The following AKR1C8 variants were observed in gnomAD, a reference collection of about 807,000 sequenced individuals.
The protein encoded by AKR1C8 is aldo-keto reductase family 1 member C-like protein 1.
At chr10:5,170,658 C>T in the AKR1C8 span, among the ~76,000 whole-genome samples, 1 of 152,046 alleles carries the variant, frequency 6.6e-6, no homozygotes. Context: ...GATCAGAAAC[C>T]CTGTACAGGG....
At chr10:5,128,134 C>T in the AKR1C8 span, among the ~76,000 whole-genome samples, 2 of 152,106 alleles carry the variant, frequency 1.3e-5, no homozygotes, top group African/African-American at 4.8e-5. Context: ...CTTTAGCCTT[C>T]TTAAACAAAA....
At chr10:5,183,584 C>CT in the AKR1C8 span, among the ~76,000 whole-genome samples, 5 of 152,154 alleles carry the variant, frequency 3.3e-5, no homozygotes, top group South Asian at 2.1e-4. Context: ...AGGAAGAACT[C>CT]TAACTACTGT....
At chr10:5,122,096 A>G in the AKR1C8 span, 2 of 354,400 alleles carry the variant, frequency 5.6e-6, no homozygotes, top group Non-Finnish European at 1.1e-5. Flanking sequence ...ATTGTAACTT[A>G]GCATGTCGGA....
At chr10:5,152,772 T>C in the AKR1C8 span, among the ~76,000 whole-genome samples, 1 of 152,320 alleles carries the variant, frequency 6.6e-6, no homozygotes, top group East Asian at 1.9e-4. Flanking sequence ...CTTTTCATAA[T>C]GAGTCTGCCT....
At chr10:5,135,782 A>G in the AKR1C8 span, among the ~76,000 whole-genome samples, 1 of 152,144 alleles carries the variant, frequency 6.6e-6, no homozygotes, top group African/African-American at 2.4e-5. Flanking sequence ...ATGACTAGTA[A>G]GCATTTTTTA....
At chr10:5,176,355 G>C in the AKR1C8 span, among the ~76,000 whole-genome samples, 2 of 141,682 alleles carry the variant, frequency 1.4e-5, no homozygotes, top group East Asian at 3.9e-4. Flanking sequence ...TTTGGTACCA[G>C]TACCATGCTG....
chr10:5,161,716 G>T, the AKR1C8 span: 3 of 534,202 alleles, frequency 5.6e-6, no homozygotes, highest in Non-Finnish European at 1.2e-5. Context: ...ACTCACGAAA[G>T]TTTTGGCAAT....
At chr10:5,154,518 G>C in the AKR1C8 span, 1 of 209,978 alleles carries the variant, frequency 4.8e-6, no homozygotes, top group African/African-American at 2.3e-5. Flanking sequence ...AGTTAAATGT[G>C]CCAGGAGTCA....
At chr10:5,122,478 A>T in the AKR1C8 span, among the ~76,000 whole-genome samples, 1 of 152,330 alleles carries the variant, frequency 6.6e-6, no homozygotes, top group African/African-American at 2.4e-5. Flanking sequence ...GAAAGTGTAG[A>T]CACAATACCT....
chr10:5,136,762 G>C, the AKR1C8 span, among the ~76,000 whole-genome samples: 1 of 152,136 alleles, frequency 6.6e-6, no homozygotes, highest in South Asian at 2.1e-4. Flanking sequence ...TTCCTTTAGA[G>C]GAGGACATAA....
chr10:5,180,658 T>A, the AKR1C8 span, among the ~76,000 whole-genome samples: 1 of 152,264 alleles, frequency 6.6e-6, no homozygotes, highest in Admixed American at 6.5e-5. Context: ...GCTTCCAGGC[T>A]GCTTTGTTTA....
chr10:5,174,883 G>T, the AKR1C8 span, among the ~76,000 whole-genome samples: 4 of 151,632 alleles, frequency 2.6e-5, no homozygotes, highest in African/African-American at 9.7e-5. Context: ...ACAAAACCAC[G>T]GTCTATATAA....
the AKR1C8 span, among the ~76,000 whole-genome samples, chr10:5,146,382 A>G: frequency 6.6e-6 from 1 of 152,136 alleles, no homozygotes; most frequent in African/African-American, 2.4e-5. Flanking sequence ...CAATAAAATA[A>G]TGTTGCTTGG....
chr10:5,122,060 C>A, the AKR1C8 span: 1 of 178,648 alleles, frequency 5.6e-6, no homozygotes, highest in Non-Finnish European at 1.0e-5. Flanking sequence ...AGAAAATGGT[C>A]TGTGAAAGAA....
At chr10:5,181,925 T>C in the AKR1C8 span, among the ~76,000 whole-genome samples, 15 of 152,052 alleles carry the variant, frequency 9.9e-5, no homozygotes, top group Admixed American at 3.3e-4. Flanking sequence ...TAAAAAAACA[T>C]GCAAGACTCA....
chr10:5,122,121 C>T, the AKR1C8 span: 1 of 384,528 alleles, frequency 2.6e-6, no homozygotes. Context: ...TCCGTTGAGG[C>T]TGTCAATGGC....
At chr10:5,180,645 C>CG in the AKR1C8 span, among the ~76,000 whole-genome samples, 1 of 152,208 alleles carries the variant, frequency 6.6e-6, no homozygotes, top group East Asian at 1.9e-4. Context: ...TGCTCCAGTT[C>CG]GAGCTTCCAG....
At chr10:5,157,397 G>A in the AKR1C8 span, among the ~76,000 whole-genome samples, 1 of 152,288 alleles carries the variant, frequency 6.6e-6, no homozygotes, top group East Asian at 1.9e-4. Flanking sequence ...GAAAATAAGT[G>A]AGTTGAAATT....
At chr10:5,126,221 A>G in the AKR1C8 span, among the ~76,000 whole-genome samples, 2 of 152,172 alleles carry the variant, frequency 1.3e-5, no homozygotes, top group Non-Finnish European at 2.9e-5. Flanking sequence ...GAAGCTCTGC[A>G]TGGGTACACC....
Sources: allele counts gnomAD v4.1 joint callset (sites outside exome capture counted in the v4.1 genomes callset), GRCh38; gene constraint gnomAD v4.1.1; transcripts MANE v1.5; gene names NCBI Gene and HGNC (gene_info 2026-07-23, HGNC 2026-07-21).